Variants in SEMA3A observed in about 807,000 individuals in gnomAD.
The protein encoded by SEMA3A is semaphorin-3A.
SEMA3A carries 29 observed loss-of-function variants against 97.9 expected under a neutral mutation model. The observed-to-expected ratio is 0.30, with a 90% CI of 0.22 to 0.40. SEMA3A has a LOEUF of 0.40. Ranked by LOEUF, SEMA3A falls within the 10% of genes least tolerant of loss-of-function variation. SEMA3A has a pLI of 1.00. For missense variants in SEMA3A, 763 were observed against 951.3 expected (o/e 0.80, Z 2.60); for synonymous variants, 321 against 323.7 (o/e 0.99, Z 0.09).
chr7:84,060,677 T>C (rs1793180698), intron 4 of SEMA3A, 119 bp from the exon 5 acceptor site: 1 of 613,286 alleles, frequency 1.6e-6, no homozygotes, highest in East Asian at 3.2e-5. Context: ...GAGTTATTTT[T>C]ATTTGTTCAA....
At chr7:84,358,831 T>A (rs1032524640) in intron 2 of SEMA3A, among the ~76,000 whole-genome samples, 9 of 152,152 alleles carry the variant, frequency 5.9e-5, no homozygotes, top group African/African-American at 2.2e-4. Context: ...GGTTTGTAGT[T>A]CTCCTTGAAG....
intron 14 of SEMA3A, among the ~76,000 whole-genome samples, chr7:83,980,754 A>G (rs1274368422): frequency 6.6e-6 from 1 of 151,340 alleles, no homozygotes; most frequent in Non-Finnish European, 1.5e-5. Flanking sequence ...TTTCAAGTTC[A>G]GACACTGCAA....
chr7:84,316,582 T>G lies in SEMA3A; in HGVS notation c.-168-9290A>C, dbSNP rs558213796. Among the ~76,000 whole-genome samples, 56 of 152,206 alleles carry G rather than the reference T, an allele frequency of 3.7e-4. 1 individual carries two copies. Among genetic ancestry groups the G allele is most frequent in the South Asian group, 1.2e-3 (6 of 4,814 alleles). ...TAAGTCTATATATTAAAATTATGCT[T>G]GGAAGCATTAAGAGAGTAGATAGAG... On this transcript the variant is annotated intron_variant, in intron 2 of 3. Coordinates refer to the SEMA3A transcript ENST00000424555.
At chr7:84,403,538 AAG>A (rs1803969314) in intron 1 of SEMA3A, among the ~76,000 whole-genome samples, 1 of 152,198 alleles carries the variant, frequency 6.6e-6, no homozygotes, top group South Asian at 2.1e-4. Context: ...GACAGCTTTG[AAG>A]AGAGTAGTGG....
intron 3 of SEMA3A, among the ~76,000 whole-genome samples, chr7:84,273,858 A>G (rs2115713478): frequency 6.6e-6 from 1 of 152,128 alleles, no homozygotes; most frequent in East Asian, 1.9e-4. Context: ...TTACAGGGTT[A>G]TTTAATTGCT....
chr7:84,175,895 C>T (rs1308935606), intron 1 of SEMA3A, among the ~76,000 whole-genome samples: 1 of 152,248 alleles, frequency 6.6e-6, no homozygotes, highest in East Asian at 1.9e-4. Context: ...CCTTGCCCCA[C>T]AAAAGAATGC....
In SEMA3A at chr7:84,276,543, G is replaced by C. The variant is rs566819724; in HGVS notation, c.-83+30664C>G. Among the ~76,000 whole-genome samples the C allele has an allele frequency of 9.2e-5, 14 of 152,050 alleles. No individual in the cohort carries two copies. In the East Asian group the frequency reaches 2.5e-3, roughly 27 times the overall value. ...TACTTAATAAACCAATTTTTGAATG[G>C]ATTATTTAACAAATAAGATGGTACA... is the stretch of plus-strand genomic sequence containing the variant. On this transcript the variant is annotated intron_variant, in intron 3 of 3. Coordinates refer to the SEMA3A transcript ENST00000424555.
chr7:84,311,221 G>T (rs1801307461), intron 2 of SEMA3A, among the ~76,000 whole-genome samples: 1 of 151,890 alleles, frequency 6.6e-6, no homozygotes, highest in East Asian at 1.9e-4. Context: ...TAACCTTCTG[G>T]CCAGCTGGGA....
At chr7:84,464,961 A>C (rs1805953153) in intron 1 of SEMA3A, among the ~76,000 whole-genome samples, 7 of 152,154 alleles carry the variant, frequency 4.6e-5, no homozygotes, top group Admixed American at 4.6e-4. Flanking sequence ...TTTTCTCTGG[A>C]AACAGGGACC....
chr7:84,075,010 G>T (rs571558435), intron 4 of SEMA3A, among the ~76,000 whole-genome samples: 1 of 151,908 alleles, frequency 6.6e-6, no homozygotes, highest in East Asian at 1.9e-4. Context: ...ATCTAGGCTA[G>T]AATTTTTTTT....
chr7:84,114,765 T>A, intron 3 of SEMA3A, among the ~76,000 whole-genome samples: 1 of 152,210 alleles, frequency 6.6e-6, no homozygotes, highest in East Asian at 1.9e-4. Flanking sequence ...GGCAATAATG[T>A]TTAGTCTTTT....
In SEMA3A at chr7:84,096,648, AT is replaced by A. The variant is rs377240126; in HGVS notation, c.453+13821del. Reference sequence around the variant, plus strand: ...AAGGTGGAAAAGTGAATAGGATGAAATTTTTTGTCATTTATGTGTCAAACAC... The same window carrying A: ...AAGGTGGAAAAGTGAATAGGATGAAATTTTTGTCATTTATGTGTCAAACAC... On this transcript the variant is annotated intron_variant, in intron 4 of 16. Transcript: ENST00000265362. Among the ~76,000 whole-genome samples the A allele has an allele frequency of 9.9e-5, 15 of 152,126 alleles. No homozygotes were observed. The South Asian group carries it at 3.1e-3, about 32-fold the overall frequency.
At chr7:84,418,898 C>T (rs1390276313) in intron 1 of SEMA3A, among the ~76,000 whole-genome samples, 3 of 151,690 alleles carry the variant, frequency 2.0e-5, no homozygotes, top group African/African-American at 7.3e-5. Context: ...TATATATATA[C>T]ACACATATAT....
rs577470179 is a variant in SEMA3A at position 84,166,098 on chromosome 7, C to G, written c.112+28377G>C. Among the ~76,000 whole-genome samples the G allele has an allele frequency of 3.9e-5, 6 of 151,900 alleles. No homozygotes were observed. In the South Asian group the frequency reaches 1.3e-3, roughly 32 times the overall value. ...AACCAGATTGGACAACATACAGAGA[C>G]ACTCTCTCTTGAAAAAGTAAAATAA... On this transcript the variant is annotated intron_variant, in intron 1 of 16. Coordinates refer to ENST00000265362, the MANE Select transcript of SEMA3A (RefSeq NM_006080.3).
At chr7:84,151,868 A>C (rs866161897) in intron 1 of SEMA3A, among the ~76,000 whole-genome samples, 5 of 152,214 alleles carry the variant, frequency 3.3e-5, no homozygotes, top group Non-Finnish European at 5.9e-5. Flanking sequence ...AACCCCATCA[A>C]AAAGTGGGCA....
chr7:84,204,936 T>C (rs1798451416), intron 3 of SEMA3A, among the ~76,000 whole-genome samples: 1 of 152,178 alleles, frequency 6.6e-6, no homozygotes, highest in African/African-American at 2.4e-5. Flanking sequence ...TTTGAGATCC[T>C]CCATCTTTTG....
upstream of SEMA3A, among the ~76,000 whole-genome samples, chr7:84,197,813 T>C (rs1798269697): frequency 6.8e-6 from 1 of 146,430 alleles, no homozygotes; most frequent in East Asian, 2.1e-4. Flanking sequence ...GATCTCGGCT[T>C]ACTGCAACCT....
At chr7:84,310,165 A>G (rs1328830556) in intron 2 of SEMA3A, among the ~76,000 whole-genome samples, 1 of 152,112 alleles carries the variant, frequency 6.6e-6, no homozygotes, top group Non-Finnish European at 1.5e-5. Context: ...CTGGTTGAAA[A>G]TATCACTCTA....
intron 3 of SEMA3A, among the ~76,000 whole-genome samples, chr7:84,292,095 C>T (rs1475246500): frequency 6.6e-6 from 1 of 152,112 alleles, no homozygotes; most frequent in Non-Finnish European, 1.5e-5. Flanking sequence ...CTGATGACCT[C>T]ACTACAAATC....
Sources: allele counts gnomAD v4.1 joint callset (sites outside exome capture counted in the v4.1 genomes callset), GRCh38; gene constraint gnomAD v4.1.1; transcripts MANE v1.5; gene names NCBI Gene and HGNC (gene_info 2026-07-23, HGNC 2026-07-21).